Variants in JAZF1 observed in about 807,000 individuals in gnomAD.
JAZF1 encodes the protein JAZF zinc finger 1.
Under a neutral mutation model 26.4 loss-of-function variants are expected in JAZF1, and 8 were observed. The observed-to-expected ratio is 0.30, with a 90% confidence interval of 0.18 to 0.55. The LOEUF (loss-of-function observed/expected upper bound fraction) is 0.55. JAZF1 is among the 20% of genes least tolerant of loss of function. The pLI is 0.94. For missense variants in JAZF1, 199 were observed against 322.0 expected (o/e 0.62, Z 2.92); for synonymous variants, 126 against 122.3 (o/e 1.03, Z -0.20).
chr7:27,917,047 T>C (rs1362931867), intron 2 of JAZF1, among the ~76,000 whole-genome samples: 14 of 152,230 alleles, frequency 9.2e-5, no homozygotes, highest in Admixed American at 2.6e-4. Context: ...GAGACCAGCC[T>C]GGGCAACAGA....
chr7:27,850,104 T>C (rs932603600), intron 3 of JAZF1, among the ~76,000 whole-genome samples: 1 of 152,224 alleles, frequency 6.6e-6, no homozygotes, highest in Non-Finnish European at 1.5e-5. Context: ...GTAAAAGTGA[T>C]AACTGCAGTG....
chr7:28,063,064 T>G (rs1425104360), intron 1 of JAZF1, among the ~76,000 whole-genome samples: 1 of 152,196 alleles, frequency 6.6e-6, no homozygotes, highest in South Asian at 2.1e-4. Flanking sequence ...TTATATCATA[T>G]GAAAAAATTC....
rs572793076 is a variant in JAZF1, at chr7:27,832,704, T to C, written c.*96A>G. On this transcript the variant is annotated 3_prime_UTR_variant, in exon 5 of 5. Transcript: ENST00000283928. ...AAGCATGCATTTAATTCTTTTTCTT[T>C]AAAGGGTTGCTGAATGCTTCCCCTG... 2.8e-4 allele frequency: 288 copies of C among 1,020,638 alleles called. No homozygotes were observed. In the African/African-American group the frequency reaches 4.2e-3, roughly 15 times the overall value. The allele number at this position is 1,020,638 out of a possible 1,614,324, so 63.2% of individuals were successfully genotyped here. A position where few individuals can be genotyped will look rare whatever the true frequency, so the allele number is the denominator to read the frequency against.
chr7:27,862,523 A>T (rs929664982), intron 3 of JAZF1, among the ~76,000 whole-genome samples: 1 of 152,218 alleles, frequency 6.6e-6, no homozygotes, highest in Non-Finnish European at 1.5e-5. Context: ...TAGTGCAGCC[A>T]TCATCTCAAA....
chr7:28,131,456 T>G (rs1307711319), intron 1 of JAZF1, among the ~76,000 whole-genome samples: 2 of 152,146 alleles, frequency 1.3e-5, no homozygotes, highest in African/African-American at 4.8e-5. Flanking sequence ...TCTCCTTACA[T>G]AAATAAAACC....
chr7:27,902,134 G>A (rs1405962723), intron 2 of JAZF1, among the ~76,000 whole-genome samples: 1 of 152,202 alleles, frequency 6.6e-6, no homozygotes, highest in African/African-American at 2.4e-5. Flanking sequence ...AAATATTCAT[G>A]TGTTTCACTG....
At chr7:28,103,104 C>T (rs183679199) in intron 1 of JAZF1, among the ~76,000 whole-genome samples, 49 of 152,322 alleles carry the variant, frequency 3.2e-4, no homozygotes, top group Admixed American at 2.3e-3. Context: ...GAACACTCTG[C>T]CTTGGCTTCC....
At chr7:28,154,522 C>G (rs1783152276) in intron 1 of JAZF1, among the ~76,000 whole-genome samples, 1 of 152,166 alleles carries the variant, frequency 6.6e-6, no homozygotes, top group African/African-American at 2.4e-5. Context: ...AACAATCAAC[C>G]AACTAACTAA....
At chr7:27,995,782 C>T (rs1260372307) in intron 1 of JAZF1, among the ~76,000 whole-genome samples, 2 of 152,182 alleles carry the variant, frequency 1.3e-5, no homozygotes, top group African/African-American at 4.8e-5. Flanking sequence ...CTTTCTGTAG[C>T]TCCTGTGGTC....
intron 1 of JAZF1, among the ~76,000 whole-genome samples, chr7:28,032,722 A>G (rs1583519977): frequency 6.6e-6 from 1 of 152,282 alleles, no homozygotes; most frequent in South Asian, 2.1e-4. Context: ...AAGAATCAAC[A>G]CAAAAAGATT....
At chr7:27,900,255 G>T (rs1784143808) in intron 2 of JAZF1, among the ~76,000 whole-genome samples, 2 of 152,150 alleles carry the variant, frequency 1.3e-5, no homozygotes, top group Admixed American at 1.3e-4. Flanking sequence ...TGGTGAGTCT[G>T]TTGTTAAACA....
Position 28,035,313 on chromosome 7 carries a change from CAAAAAAAAA to C in JAZF1, c.116-43341_116-43333del, listed in dbSNP as rs201602870. Among the ~76,000 whole-genome samples the C allele has an allele frequency of 9.6e-3, 264 of 27,444 alleles. 3 individuals are homozygous for C. Among genetic ancestry groups the C allele is most frequent in the East Asian group, 0.038 (75 of 1,958 alleles). The allele number at this position is 27,444 out of a possible 152,430, so 18.0% of individuals were successfully genotyped here. On this transcript the variant is annotated intron_variant, in intron 1 of 4. Transcript: ENST00000283928. ...TGGGCGACAAAGTGAGACTCCATCT[CAAAAAAAAA>C]AAAAAAAAAAAAAAAAAAAAAGAAA...
At chr7:27,935,584 A>G (rs1784754096) in intron 2 of JAZF1, among the ~76,000 whole-genome samples, 1 of 152,180 alleles carries the variant, frequency 6.6e-6, no homozygotes, top group Non-Finnish European at 1.5e-5. Context: ...ACGTGGTTTG[A>G]GAGATGACAA....
chr7:28,097,531 T>C (rs1247302116), intron 1 of JAZF1, among the ~76,000 whole-genome samples: 1 of 152,206 alleles, frequency 6.6e-6, no homozygotes, highest in Non-Finnish European at 1.5e-5. Context: ...GTCACACACA[T>C]TGATACAATA....
At chr7:28,141,160 C>T (rs938033413) in intron 1 of JAZF1, among the ~76,000 whole-genome samples, 4 of 151,462 alleles carry the variant, frequency 2.6e-5, no homozygotes, top group Non-Finnish European at 5.9e-5. Flanking sequence ...AATCCCAAGC[C>T]AAATGTGAAA....
intron 2 of JAZF1, among the ~76,000 whole-genome samples, chr7:27,977,208 G>A (rs1168317380): frequency 6.6e-6 from 1 of 152,138 alleles, no homozygotes. Flanking sequence ...TGTGATATCT[G>A]ATCCATTCCT....
intron 1 of JAZF1, among the ~76,000 whole-genome samples, chr7:28,133,383 C>G (rs1782830436): frequency 6.6e-6 from 1 of 152,100 alleles, no homozygotes; most frequent in Non-Finnish European, 1.5e-5. Flanking sequence ...GAAAGAAAAT[C>G]CAAGAATCAT....
At chr7:28,162,753 G>A (rs1021325361) in intron 1 of JAZF1, among the ~76,000 whole-genome samples, 11 of 152,148 alleles carry the variant, frequency 7.2e-5, no homozygotes, top group African/African-American at 2.4e-4. Flanking sequence ...TGTATAAAAC[G>A]TCTGATGAAA....
chr7:28,134,161 G>A (rs1272120373), intron 1 of JAZF1, among the ~76,000 whole-genome samples: 1 of 152,154 alleles, frequency 6.6e-6, no homozygotes, highest in Non-Finnish European at 1.5e-5. Flanking sequence ...AAGATTTTCA[G>A]TAACTACATG....
Sources: allele counts gnomAD v4.1 joint callset (sites outside exome capture counted in the v4.1 genomes callset), GRCh38; gene constraint gnomAD v4.1.1; transcripts MANE v1.5; gene names NCBI Gene and HGNC (gene_info 2026-07-23, HGNC 2026-07-21).